PDE11A: variants seen among roughly 807,000 people sequenced by gnomAD.
PDE11A encodes the protein phosphodiesterase 11A.
A neutral mutation model predicts 100.5 loss-of-function variants in PDE11A; 100 were observed. The ratio of observed to expected loss-of-function variants is 1.00; its 90% CI spans 0.85 to 1.18. PDE11A has a LOEUF of 1.18. Among genes scored for constraint, PDE11A ranks in the 50% most tolerant of loss-of-function variants. The probability of loss-of-function intolerance (pLI) is 0.00; values close to 1 mark genes in which losing one functional copy is unlikely to be tolerated. For synonymous variants in PDE11A, 381 were observed against 420.8 expected (o/e 0.91, Z 1.16); for missense variants, 1,141 against 1,152.6 (o/e 0.99, Z 0.15).
At chr2:177,860,733 G>A (rs1415176537) in intron 5 of PDE11A, among the ~76,000 whole-genome samples, 2 of 151,622 alleles carry the variant, frequency 1.3e-5, no homozygotes, top group Non-Finnish European at 3.0e-5. Flanking sequence ...AAAAAGGTAT[G>A]CACACCATGA....
chr2:177,759,877 A>T (rs146976594), intron 10 of PDE11A, among the ~76,000 whole-genome samples: 1 of 152,196 alleles, frequency 6.6e-6, no homozygotes, highest in African/African-American at 2.4e-5. Flanking sequence ...CTAAAAGTCA[A>T]TATGTTGAGT....
chr2:177,634,541 C>A (rs1380028027), intron 19 of PDE11A, among the ~76,000 whole-genome samples: 1 of 152,010 alleles, frequency 6.6e-6, no homozygotes, highest in Admixed American at 6.5e-5. Flanking sequence ...GCGCCCGCCA[C>A]CACGCCTGGC....
chr2:178,062,821 A>C (rs1165725133), intron 1 of PDE11A, among the ~76,000 whole-genome samples: 1 of 152,246 alleles, frequency 6.6e-6, no homozygotes, highest in Non-Finnish European at 1.5e-5. Context: ...TGCTAGTATT[A>C]AAAGTATCAT....
intron 1 of PDE11A, among the ~76,000 whole-genome samples, chr2:178,025,045 T>A (rs112260355): frequency 6.6e-4 from 100 of 152,356 alleles, no homozygotes; most frequent in African/African-American, 2.2e-3. Flanking sequence ...TTAGGCCTCC[T>A]AATTTGATAT....
chr2:178,063,255 A>C (rs909496392), intron 1 of PDE11A, among the ~76,000 whole-genome samples: 2 of 152,220 alleles, frequency 1.3e-5, no homozygotes, highest in African/African-American at 4.8e-5. Context: ...TGACAGCATA[A>C]TATTCATTTA....
chr2:177,985,499 C>CA (rs199562964), intron 2 of PDE11A, among the ~76,000 whole-genome samples: 181 of 150,780 alleles, frequency 1.2e-3, no homozygotes, highest in African/African-American at 3.5e-3. Flanking sequence ...CTCATTGAAA[C>CA]AAAAAAAAAT....
At chr2:177,798,459 A>G (rs929530812) in intron 9 of PDE11A, among the ~76,000 whole-genome samples, 1 of 152,208 alleles carries the variant, frequency 6.6e-6, no homozygotes, top group Non-Finnish European at 1.5e-5. Context: ...TCGTAACATT[A>G]ATGATTATTT....
At chr2:177,650,017 ATTTAGTGC>A (rs1426939549) in intron 19 of PDE11A, among the ~76,000 whole-genome samples, 1 of 152,230 alleles carries the variant, frequency 6.6e-6, no homozygotes, top group Admixed American at 6.5e-5. Flanking sequence ...GATCAAAAAA[ATTTAGTGC>A]TTTACCACCA....
chr2:177,988,112 C>T (rs1481766830), intron 2 of PDE11A, among the ~76,000 whole-genome samples: 1 of 152,150 alleles, frequency 6.6e-6, no homozygotes, highest in Non-Finnish European at 1.5e-5. Flanking sequence ...ATGAAAGCAA[C>T]CCAGGCCTGG....
chr2:177,669,379 A>G, intron 18 of PDE11A, 114 bp downstream of exon 18: 1 of 704,960 alleles, frequency 1.4e-6, no homozygotes. Context: ...AACTTTCAGG[A>G]GTGCTTCCTT....
At chr2:177,877,836 T>C (rs909245714) in intron 4 of PDE11A, among the ~76,000 whole-genome samples, 1 of 152,082 alleles carries the variant, frequency 6.6e-6, no homozygotes, top group Non-Finnish European at 1.5e-5. Context: ...CAAGCCCCTA[T>C]AGTGAAAGGA....
At chr2:177,762,827 G>A (rs968365757) in intron 10 of PDE11A, among the ~76,000 whole-genome samples, 10 of 152,144 alleles carry the variant, frequency 6.6e-5, no homozygotes, top group African/African-American at 2.4e-4. Context: ...TGATGTGAGG[G>A]GAGGTCAGGG....
At chr2:178,100,324 T>G (rs989187427) in intron 2 of PDE11A, among the ~76,000 whole-genome samples, 1 of 152,196 alleles carries the variant, frequency 6.6e-6, no homozygotes, top group Non-Finnish European at 1.5e-5. Flanking sequence ...ATACAAGTCA[T>G]ATGGGACAAA....
chr2:177,753,356 G>A (rs1353024308), intron 10 of PDE11A, among the ~76,000 whole-genome samples: 1 of 151,876 alleles, frequency 6.6e-6, no homozygotes. Context: ...TTAATTTTCT[G>A]TGTTATAGTA....
chr2:177,654,122 C>T (rs970595498), intron 19 of PDE11A, among the ~76,000 whole-genome samples: 4 of 152,096 alleles, frequency 2.6e-5, no homozygotes, highest in Non-Finnish European at 5.9e-5. Flanking sequence ...AAATGAGGCA[C>T]CAAAGTGCTC....
intron 15 of PDE11A, among the ~76,000 whole-genome samples, chr2:177,696,653 C>T (rs1390632247): frequency 1.4e-5 from 1 of 72,962 alleles, no homozygotes; most frequent in Non-Finnish European, 4.3e-5. Flanking sequence ...AAAAGGTAGA[C>T]AGTAAAAGAA....
intron 8 of PDE11A, among the ~76,000 whole-genome samples, chr2:177,817,137 A>G (rs1267303121): frequency 6.6e-6 from 1 of 152,180 alleles, no homozygotes; most frequent in African/African-American, 2.4e-5. Context: ...TATGAATTTA[A>G]TGTCATTGTA....
At chr2:177,742,592 A>T (rs1189561451) in intron 10 of PDE11A, among the ~76,000 whole-genome samples, 2 of 152,210 alleles carry the variant, frequency 1.3e-5, no homozygotes, top group African/African-American at 4.8e-5. Context: ...CTATGCAGGT[A>T]TCTATGCATC....
chr2:177,785,194 T>A (rs1183929501), intron 9 of PDE11A, among the ~76,000 whole-genome samples: 1 of 152,130 alleles, frequency 6.6e-6, no homozygotes, highest in South Asian at 2.1e-4. Context: ...GAGAAATATA[T>A]GCACTTTTCA....
Sources: gnomAD v4.1 joint callset for allele counts (sites outside exome capture counted in the v4.1 genomes callset) on GRCh38, gnomAD v4.1.1 for gene constraint, MANE v1.5 for transcripts, NCBI Gene and HGNC (gene_info 2026-07-23, HGNC 2026-07-21) for gene names.